The following RANBP2 variants were observed in gnomAD, a reference collection of about 807,000 sequenced individuals.
RANBP2 encodes RAN binding protein 2, also known as E3 SUMO-protein ligase RanBP2.
RANBP2 carries 57 observed loss-of-function variants against 303.6 expected under a neutral mutation model. That is an observed-to-expected ratio of 0.19 (90% confidence interval 0.15 to 0.23). RANBP2 has a LOEUF of 0.23. Among genes scored for constraint, RANBP2 ranks in the 10% least tolerant of loss-of-function variants. The pLI, the probability that RANBP2 is intolerant of heterozygous loss-of-function variation, is 1.00. For synonymous variants in RANBP2, 1,167 were observed against 1,301.5 expected, an observed-to-expected ratio of 0.90 and a Z score of 2.23; for missense variants, 3,138 against 3,780.8, an observed-to-expected ratio of 0.83 and a Z score of 4.46.
At chr2:108,769,040 A>G (rs1677310655) in intron 20 of RANBP2, among the ~76,000 whole-genome samples, 1 of 152,080 alleles carries the variant, frequency 6.6e-6, no homozygotes, top group Non-Finnish European at 1.5e-5. Flanking sequence ...TCTCCAAAAA[A>G]AAAAAAACAA....
chr2:109,666,964 A>G, the RANBP2 span, among the ~76,000 whole-genome samples: 3 of 152,176 alleles, frequency 2.0e-5, no homozygotes, highest in Non-Finnish European at 2.9e-5. Flanking sequence ...GTGTCCACTG[A>G]GGCAGTCCAT....
chr2:109,388,124 C>T, the RANBP2 span, among the ~76,000 whole-genome samples: 57 of 152,318 alleles, frequency 3.7e-4, no homozygotes, highest in African/African-American at 1.0e-3. Context: ...CGCCTGCCCA[C>T]GCCTCTCCAT....
the RANBP2 span, among the ~76,000 whole-genome samples, chr2:109,343,581 C>CA: frequency 2.0e-5 from 3 of 152,198 alleles, no homozygotes; most frequent in Non-Finnish European, 4.4e-5. Context: ...CCTGAGCCCC[C>CA]ATGCTCTCAC....
At position 108,764,630 on chromosome 2, in the gene RANBP2, A is replaced by C; in HGVS notation, c.4091A>C (p.Lys1364Thr). ...SWWHCNSCSL[K>T]NASTAKKCVS... The stretch of plus-strand genomic sequence containing the variant: ...TGGCATTGTAACAGCTGCTCATTAA[A>C]GAATGCTTCAACTGCTAAGAAATGT... The change falls in exon 20 of 29, where the codon AAG becomes ACG. Residue 1364 changes from lysine to threonine, a missense_variant. Coordinates refer to ENST00000283195, the MANE Select transcript of RANBP2 (RefSeq NM_006267.5). 3.7e-6 allele frequency: 6 copies of C among 1,614,124 alleles called. No individual in the cohort carries two copies. The highest frequency in any genetic ancestry group is 5.1e-6 in the Non-Finnish European group (6 of 1,179,966).
the RANBP2 span, among the ~76,000 whole-genome samples, chr2:108,907,082 C>T: frequency 1.3e-5 from 2 of 152,236 alleles, no homozygotes; most frequent in African/African-American, 4.8e-5. Context: ...GCCACCTTTG[C>T]CCTCACCCCT....
At position 108,764,017 on chromosome 2, in the gene RANBP2, A is replaced by G. The variant is rs769708838; in HGVS notation, c.3478A>G (p.Ser1160Gly). Residue 1160 changes from serine (S) to glycine (G), a missense_variant, in exon 20 of 29, where the codon AGT (serine) becomes GGT (glycine). Physicochemically the swap from Ser to Gly is moderately conservative, Grantham distance 56. Around this residue, in one of 20 missense-constraint regions of RANBP2, gnomAD observed 403 missense variants for 376.7 expected, o/e 1.07. Transcript: ENST00000283195. ...CAAGAATCATGAGACAGATGGAGGA[A>G]GTGCCCATGGGGATGATGATGATGA... Reference protein sequence around the residue: ...ANKNHETDGGSAHGDDDDDGP... With the variant: ...ANKNHETDGGGAHGDDDDDGP... 6.2e-7 allele frequency: 1 copy of G among 1,613,908 alleles called. No individual in the cohort carries two copies. The highest frequency in any genetic ancestry group is 8.5e-7 in the Non-Finnish European group (1 of 1,179,800).
chr2:109,455,984 G>A, the RANBP2 span, among the ~76,000 whole-genome samples: 1 of 152,228 alleles, frequency 6.6e-6, no homozygotes, highest in Middle Eastern at 3.2e-3. Context: ...CATCATGCAG[G>A]TCTTAGGGGA....
the RANBP2 span, among the ~76,000 whole-genome samples, chr2:109,424,108 G>A: frequency 6.6e-6 from 1 of 152,226 alleles, no homozygotes; most frequent in Non-Finnish European, 1.5e-5. Flanking sequence ...CTGGAGGCAG[G>A]CCCTGAGATG....
intron 7 of RANBP2, among the ~76,000 whole-genome samples, chr2:108,742,923 G>T (rs1171169121): frequency 6.6e-6 from 1 of 151,914 alleles, no homozygotes; most frequent in African/African-American, 2.4e-5. Context: ...CGAGTAGCTG[G>T]GACTACAGGC....
chr2:109,459,214 A>G, the RANBP2 span, among the ~76,000 whole-genome samples: 1 of 152,186 alleles, frequency 6.6e-6, no homozygotes, highest in Non-Finnish European at 1.5e-5. Flanking sequence ...AGAGAAGAAA[A>G]CAAAGGTACT....
chr2:108,904,971 G>A, the RANBP2 span, among the ~76,000 whole-genome samples: 7 of 152,174 alleles, frequency 4.6e-5, no homozygotes, highest in African/African-American at 1.7e-4. Flanking sequence ...TGGGTAAAGG[G>A]CATGTAGGAT....
At chr2:108,855,493 A>C in the RANBP2 span, among the ~76,000 whole-genome samples, 1 of 152,274 alleles carries the variant, frequency 6.6e-6, no homozygotes, top group South Asian at 2.1e-4. Flanking sequence ...TTGCTAAAAA[A>C]AAAAAAAGGA....
At chr2:109,230,658 T>A in the RANBP2 span, among the ~76,000 whole-genome samples, 1 of 152,208 alleles carries the variant, frequency 6.6e-6, no homozygotes, top group South Asian at 2.1e-4. Context: ...TATGTCCTGA[T>A]AAACCCATTG....
chr2:108,753,882 G>A lies in RANBP2; in HGVS notation c.2113G>A (p.Glu705Lys), dbSNP rs1168167779. 1 of 1,611,992 alleles carries A rather than the reference G, an allele frequency of 6.2e-7. No homozygotes were observed. The highest frequency in any genetic ancestry group is 8.5e-7 in the Non-Finnish European group (1 of 1,179,850). The change falls in exon 15 of 29, where the codon GAA becomes AAA. Residue 705 changes from glutamate to lysine, a missense_variant. Glu to Lys is a moderately conservative substitution (Grantham distance 56, BLOSUM62 1). Coordinates refer to ENST00000283195, the MANE Select transcript of RANBP2 (RefSeq NM_006267.5). The part of the protein sequence containing the change: ...ENDALSPEEQ[E>K]ECKNYLRKTR... ...TGATGCCCTTTCTCCTGAAGAACAAGAAGAATGCAAAAATTATCTGAGAAA... is the reference window on the plus strand; with the variant it reads ...TGATGCCCTTTCTCCTGAAGAACAAAAAGAATGCAAAAATTATCTGAGAAA...
chr2:108,909,575 C>T, the RANBP2 span, among the ~76,000 whole-genome samples: 1 of 152,222 alleles, frequency 6.6e-6, no homozygotes, highest in Admixed American at 6.5e-5. Context: ...CGGGGGTGTC[C>T]TTCCAGGCGC....
At chr2:108,933,892 G>C in the RANBP2 span, among the ~76,000 whole-genome samples, 5 of 152,114 alleles carry the variant, frequency 3.3e-5, no homozygotes, top group Non-Finnish European at 1.5e-5. Context: ...CCTGGACTTG[G>C]CTTCAGGATG....
At chr2:109,076,650 T>C in the RANBP2 span, among the ~76,000 whole-genome samples, 1 of 150,144 alleles carries the variant, frequency 6.7e-6, no homozygotes, top group Admixed American at 6.6e-5. Flanking sequence ...TCATTTACAA[T>C]AGCATAAAAA....
At chr2:108,755,482 C>T (rs1676237280) in intron 17 of RANBP2, among the ~76,000 whole-genome samples, 1 of 151,794 alleles carries the variant, frequency 6.6e-6, no homozygotes, top group African/African-American at 2.4e-5. Flanking sequence ...CTTCGACCTC[C>T]TAGCTCAAGA....
chr2:109,496,070 G>A, the RANBP2 span, among the ~76,000 whole-genome samples: 38,831 of 152,000 alleles, frequency 0.26, 5,318 homozygotes, highest in East Asian at 0.5. Flanking sequence ...CCCTGGGGTG[G>A]CCAGCTTTTA....
Sources: allele counts gnomAD v4.1 joint callset (sites outside exome capture counted in the v4.1 genomes callset), GRCh38; gene constraint gnomAD v4.1.1; regional missense constraint gnomAD v4.1.1; transcripts MANE v1.5; gene names NCBI Gene and HGNC (gene_info 2026-07-23, HGNC 2026-07-21).